The following TMEM135 variants were observed in gnomAD, a reference collection of about 807,000 sequenced individuals.
TMEM135 encodes the protein peroxisomal membrane protein 52.
A neutral mutation model predicts 60.3 loss-of-function variants in TMEM135; 30 were observed. That is an observed-to-expected ratio of 0.50 (90% confidence interval 0.37 to 0.68). TMEM135 has a LOEUF of 0.68. Ranked by LOEUF, TMEM135 falls within the 30% of genes least tolerant of loss-of-function variation. The probability of loss-of-function intolerance (pLI) is 0.00; values close to 1 mark genes in which losing one functional copy is unlikely to be tolerated. For synonymous variants in TMEM135, 190 were observed against 186.7 expected (o/e 1.02, Z -0.14); for missense variants, 468 against 548.8 (o/e 0.85, Z 1.47).
At chr11:87,255,441 T>A (rs1158018031) in intron 6 of TMEM135, among the ~76,000 whole-genome samples, 1 of 152,202 alleles carries the variant, frequency 6.6e-6, no homozygotes, top group Non-Finnish European at 1.5e-5. Flanking sequence ...TCTGGACATG[T>A]TTTATCATAA....
At chr11:87,042,158 G>T (rs1158999525) in intron 1 of TMEM135, among the ~76,000 whole-genome samples, 1 of 152,250 alleles carries the variant, frequency 6.6e-6, no homozygotes, top group Non-Finnish European at 1.5e-5. Context: ...TTTATGCTTA[G>T]GTTCAACGAA....
Position 87,324,697 on chromosome 11 carries a change from C to T in TMEM135, c.*3364C>T. The T allele has an allele frequency of 2.2e-6, 1 of 453,802 alleles. No homozygotes were observed. Among genetic ancestry groups the T allele is most frequent in the Non-Finnish European group, 4.4e-6 (1 of 226,730 alleles). The allele number at this position is 453,802 out of a possible 1,614,324, so 28.1% of individuals were successfully genotyped here. A position where few individuals can be genotyped will look rare whatever the true frequency, so the allele number is the denominator to read the frequency against. The stretch of plus-strand genomic sequence containing the variant: ...CCTCTTGGGTTGGCCTCCCGGGACT[C>T]TGGGATTCCAGGTGTGAGCCACGGT... On this transcript the variant is annotated 3_prime_UTR_variant, in exon 15 of 15. Coordinates refer to ENST00000305494, the MANE Select transcript of TMEM135 (RefSeq NM_022918.4).
chr11:87,244,950 C>G (rs1199368215), intron 6 of TMEM135, among the ~76,000 whole-genome samples: 1 of 151,546 alleles, frequency 6.6e-6, no homozygotes, highest in Non-Finnish European at 1.5e-5. Context: ...GTTCGGGTGT[C>G]AATTTTGGAT....
chr11:87,043,580 G>T (rs906812863), intron 1 of TMEM135, among the ~76,000 whole-genome samples: 5 of 151,894 alleles, frequency 3.3e-5, no homozygotes, highest in Admixed American at 6.6e-5. Flanking sequence ...AAAATTAGCT[G>T]GGCATGGTGG....
At chr11:87,255,118 A>G (rs566583104) in intron 6 of TMEM135, among the ~76,000 whole-genome samples, 1 of 151,890 alleles carries the variant, frequency 6.6e-6, no homozygotes, top group African/African-American at 2.4e-5. Flanking sequence ...CTCTGACACC[A>G]TTCTGACTAG....
intron 3 of TMEM135, among the ~76,000 whole-genome samples, chr11:87,079,269 G>A (rs1383730979): frequency 6.6e-6 from 1 of 152,166 alleles, no homozygotes; most frequent in Non-Finnish European, 1.5e-5. Flanking sequence ...GCCCCGCAAA[G>A]TGCTGGAATT....
At chr11:87,177,064 A>G (rs1267675869) in intron 5 of TMEM135, among the ~76,000 whole-genome samples, 1 of 152,196 alleles carries the variant, frequency 6.6e-6, no homozygotes, top group Non-Finnish European at 1.5e-5. Flanking sequence ...AAGTGAAAGA[A>G]CATTTAATAG....
chr11:87,289,401 C>G (rs1942224768), intron 6 of TMEM135, among the ~76,000 whole-genome samples: 1 of 144,686 alleles, frequency 6.9e-6, no homozygotes. Flanking sequence ...TCCTACATAG[C>G]TGTGATTTTG....
At chr11:87,086,136 T>C (rs971979057) in intron 3 of TMEM135, among the ~76,000 whole-genome samples, 2 of 152,206 alleles carry the variant, frequency 1.3e-5, no homozygotes, top group African/African-American at 4.8e-5. Flanking sequence ...TGATTATATG[T>C]CTATAATACA....
intron 1 of TMEM135, among the ~76,000 whole-genome samples, chr11:87,038,973 T>C (rs532730942): frequency 1.2e-3 from 183 of 152,174 alleles, no homozygotes; most frequent in Non-Finnish European, 1.1e-3. Flanking sequence ...AATAATCTTA[T>C]CCTTGATATT....
chr11:87,167,185 T>C (rs1939077165), intron 5 of TMEM135, among the ~76,000 whole-genome samples: 1 of 152,226 alleles, frequency 6.6e-6, no homozygotes, highest in Admixed American at 6.5e-5. Context: ...AAGTTGCCTG[T>C]CAGCTTAAGG....
At chr11:87,295,850 G>C (rs1942339021) in intron 7 of TMEM135, 27 bp downstream of exon 7, 2 of 1,578,138 alleles carry the variant, frequency 1.3e-6, no homozygotes, top group South Asian at 2.3e-5. Flanking sequence ...TTTATGTTGA[G>C]AGAGAATTTA....
At chr11:87,284,676 AT>A (rs1474031225) in intron 6 of TMEM135, among the ~76,000 whole-genome samples, 2 of 152,238 alleles carry the variant, frequency 1.3e-5, no homozygotes, top group East Asian at 3.8e-4. Flanking sequence ...AGAAAATAAT[AT>A]TTTTAATACA....
chr11:87,245,947 C>T (rs1221381178), intron 6 of TMEM135, among the ~76,000 whole-genome samples: 1 of 113,908 alleles, frequency 8.8e-6, no homozygotes, highest in Non-Finnish European at 1.9e-5. Flanking sequence ...TTCCTAGCCT[C>T]AATGGTCTTT....
intron 6 of TMEM135, among the ~76,000 whole-genome samples, chr11:87,283,643 C>T (rs1027913683): frequency 5.3e-5 from 8 of 152,024 alleles, no homozygotes; most frequent in African/African-American, 1.9e-4. Context: ...GTGGATCATG[C>T]AGCCAGGAGT....
intron 5 of TMEM135, among the ~76,000 whole-genome samples, chr11:87,165,753 A>G (rs1050051262): frequency 4.0e-5 from 6 of 151,204 alleles, no homozygotes; most frequent in African/African-American, 1.5e-4. Context: ...AGCAGAACTG[A>G]AGGAAATAGA....
At chr11:87,072,435 C>T (rs985248364) in intron 3 of TMEM135, among the ~76,000 whole-genome samples, 3 of 152,066 alleles carry the variant, frequency 2.0e-5, no homozygotes, top group Admixed American at 6.6e-5. Context: ...GGCTGGAGTG[C>T]AGTGGTGCGA....
intron 1 of TMEM135, among the ~76,000 whole-genome samples, chr11:87,046,204 G>A (rs541733380): frequency 6.6e-6 from 1 of 152,182 alleles, no homozygotes; most frequent in East Asian, 1.9e-4. Flanking sequence ...TCAGGAGTTC[G>A]AGACCAGCCT....
At chr11:87,318,284 TGTAC>T in intron 13 of TMEM135, 49 bp downstream of exon 13, 1 of 1,273,708 alleles carries the variant, frequency 7.9e-7, no homozygotes, top group Non-Finnish European at 1.1e-6. Context: ...CTGTTTCTAA[TGTAC>T]GTTAATCAAA....
Sources: gnomAD v4.1 joint callset for allele counts (sites outside exome capture counted in the v4.1 genomes callset) on GRCh38, gnomAD v4.1.1 for gene constraint, MANE v1.5 for transcripts, NCBI Gene and HGNC (gene_info 2026-07-23, HGNC 2026-07-21) for gene names.